Variants in TTC19 observed in about 807,000 individuals in gnomAD.
TTC19 encodes tetratricopeptide repeat domain 19.
A neutral mutation model predicts 49.5 loss-of-function variants in TTC19; 38 were observed. The observed-to-expected ratio is 0.77, with a 90% CI of 0.59 to 1.01. The LOEUF (loss-of-function observed/expected upper bound fraction) is 1.01. TTC19 is among the 50% of genes least tolerant of loss of function. The pLI, the probability that TTC19 is intolerant of heterozygous loss-of-function variation, is 0.00. For missense variants in TTC19, 475 were observed against 477.7 expected (o/e 0.99, Z 0.05); for synonymous variants, 204 against 185.2 (o/e 1.10, Z -0.83).
intron 8 of TTC19, 52 bp downstream of exon 8, chr17:16,025,223 G>T (rs1422520631): frequency 6.4e-7 from 1 of 1,573,674 alleles, no homozygotes; most frequent in Non-Finnish European, 8.7e-7. Flanking sequence ...CTTCAAAATT[G>T]AAGGGTGTGA....
At chr17:16,009,511 C>A (rs983680523) in intron 7 of TTC19, among the ~76,000 whole-genome samples, 1 of 151,382 alleles carries the variant, frequency 6.6e-6, no homozygotes, top group Non-Finnish European at 1.5e-5. Flanking sequence ...TTTTTTTTTC[C>A]AGGCAAAGGA....
intron 7 of TTC19, chr17:16,024,582 G>A (rs2151681371): frequency 4.2e-6 from 1 of 235,636 alleles, no homozygotes; most frequent in East Asian, 1.2e-4. Context: ...TGTGATTACA[G>A]GTGTGAGCCA....
rs188915420 is a variant in TTC19, at chr17:16,028,100, C to T, written c.*578C>T. 1.0e-3 allele frequency: 459 copies of T among 454,002 alleles called. 6 individuals are homozygous for T. The highest frequency in any genetic ancestry group is 8.2e-3 in the African/African-American group (409 of 50,084). The allele number at this position is 454,002 out of a possible 1,614,324, so 28.1% of individuals were successfully genotyped here. On this transcript the variant is annotated 3_prime_UTR_variant, in exon 10 of 10. Transcript: ENST00000261647. ...GAAGTTGTAAAGTGGGGATTAGGCA[C>T]GTGACAGTATAGCACCCATTTGAAT...
In TTC19 at chr17:16,028,818, C is replaced by CAAA. The variant is rs59177775; in HGVS notation, c.*1322_*1324dup. 0.032 allele frequency: 3,184 copies of CAAA among 98,366 alleles called. 89 individuals are homozygous for CAAA. Among genetic ancestry groups the CAAA allele is most frequent in the East Asian group, 0.049 (164 of 3,340 alleles). The allele number at this position is 98,366 out of a possible 1,614,324, so 6.1% of individuals were successfully genotyped here. ...GTATCCCAGTAATCTTTGCATTTCTCAAAAAAAAAAAAAAAAAAAAAAAAA... is the reference window on the plus strand; with the variant it reads ...GTATCCCAGTAATCTTTGCATTTCTCAAAAAAAAAAAAAAAAAAAAAAAAAAAA... On this transcript the variant is annotated 3_prime_UTR_variant, in exon 10 of 10. Transcript: ENST00000261647.
intron 2 of TTC19, among the ~76,000 whole-genome samples, chr17:16,001,649 A>C (rs2151644412): frequency 6.6e-6 from 1 of 152,340 alleles, no homozygotes; most frequent in Non-Finnish European, 1.5e-5. Context: ...CAGCTTCCTT[A>C]TAAAATATGT....
rs1409962147 is a variant in TTC19, at chr17:16,027,974, T to G, written c.*452T>G. 2.2e-6 allele frequency: 1 copy of G among 454,384 alleles called. No individual in the cohort carries two copies. The highest frequency in any genetic ancestry group is 6.9e-5 in the East Asian group (1 of 14,412). The allele number at this position is 454,384 out of a possible 1,614,324, so 28.1% of individuals were successfully genotyped here. On this transcript the variant is annotated 3_prime_UTR_variant, in exon 10 of 10. Transcript: ENST00000261647. ...TTACCTTCCTCATGGCAAAGGGGGA[T>G]TATGGTGAATTGTTGTTCTTATAGT... is the stretch of plus-strand genomic sequence containing the variant.
intron 5 of TTC19, 119 bp from the exon 6 acceptor site, chr17:16,004,082 T>C: frequency 8.5e-7 from 1 of 1,172,732 alleles, no homozygotes; most frequent in Non-Finnish European, 1.3e-6. Context: ...AGTTGGCTCA[T>C]CACTCTAAAA....
rs75675001 is a variant in TTC19, at chr17:16,039,706, A to G, written c.248-4797A>G. The G allele has an allele frequency of 4.9e-3, 7,410 of 1,502,452 alleles. 321 individuals carry two copies. The African/African-American group carries it at 0.088, about 18-fold the overall frequency. 93.1% of individuals were successfully genotyped at this position (1,502,452 alleles called of 1,614,324 possible). On this transcript the variant is annotated intron_variant, in intron 2 of 2. Coordinates refer to the TTC19 transcript ENST00000470649. ...CTTATTTCTGAAAGGCCAATCAGGA[A>G]ACAAACATGCATTGCCCCATCAGCC...
At chr17:16,004,060 C>G (rs907677654) in intron 5 of TTC19, 141 bp from the exon 6 acceptor site, 5 of 1,114,986 alleles carry the variant, frequency 4.5e-6, no homozygotes, top group Non-Finnish European at 6.9e-6. Context: ...GCATGCTTGC[C>G]AAGGAATTCA....
chr17:16,038,377 T>C (rs993894434), intron 2 of TTC19, among the ~76,000 whole-genome samples: 2 of 152,190 alleles, frequency 1.3e-5, no homozygotes, highest in South Asian at 2.1e-4. Flanking sequence ...ATACAAGCAT[T>C]AGCATTCCGG....
chr17:16,009,487 T>A (rs1467388460), intron 7 of TTC19, among the ~76,000 whole-genome samples: 1 of 148,658 alleles, frequency 6.7e-6, no homozygotes, highest in Non-Finnish European at 1.5e-5. Context: ...TTTAGTAACA[T>A]ATTATGAAAA....
intron 6 of TTC19, among the ~76,000 whole-genome samples, chr17:16,004,913 C>T (rs1307088136): frequency 1.3e-5 from 2 of 152,204 alleles, no homozygotes; most frequent in African/African-American, 2.4e-5. Flanking sequence ...TTTGATTGGA[C>T]ACTAGATAGG....
At chr17:16,009,348 A>C (rs893439447) in intron 7 of TTC19, among the ~76,000 whole-genome samples, 13 of 152,244 alleles carry the variant, frequency 8.5e-5, no homozygotes, top group African/African-American at 3.1e-4. Context: ...CTAAGTAAAA[A>C]TCATCTGTAA....
At position 16,013,367 on chromosome 17, in the gene TTC19, C is replaced by T. The variant is rs2151662310; in HGVS notation, c.676+6799C>T. ...GAGTAGCTGTTCTGTGCCAGGTATT[C>T]TAGGATTTGAATAGCAGCAAGTAAG... On this transcript the variant is annotated intron_variant, in intron 7 of 9. Coordinates refer to ENST00000261647, the MANE Select transcript of TTC19 (RefSeq NM_017775.4). Among the ~76,000 whole-genome samples, 3 of 152,156 alleles carry T rather than the reference C, an allele frequency of 2.0e-5. 1 individual carries two copies. The South Asian group carries it at 6.2e-4, about 32-fold the overall frequency.
intron 7 of TTC19, 39 bp downstream of exon 7, chr17:16,006,607 A>G: frequency 7.6e-7 from 1 of 1,312,868 alleles, no homozygotes; most frequent in East Asian, 2.3e-5. Context: ...TTTTCTCCAC[A>G]AAAGGCTTTA....
intron 2 of TTC19, chr17:16,040,911 C>A (rs2057441071): frequency 5.6e-6 from 1 of 178,452 alleles, no homozygotes; most frequent in South Asian, 1.2e-4. Context: ...GCAGTGTAAC[C>A]CAGAAAAGGG....
Position 16,006,467 on chromosome 17 carries a change from TTTACAGACAGGAA to T in TTC19, c.582-4_590del. On this transcript the variant is annotated splice_acceptor_variant and splice_polypyrimidine_tract_variant and coding_sequence_variant and intron_variant, in exon 7 of 10. Transcript: ENST00000261647. LOFTEE classifies it high-confidence loss of function. The stretch of plus-strand genomic sequence containing the variant: ...GTAAATGGCTGATTATTGATTTTGC[TTTACAGACAGGAA>T]TTTGCTGTTGCTGGCTATGAATTCT... The T allele has an allele frequency of 6.3e-7, 1 of 1,595,074 alleles. No homozygotes were observed. The highest frequency in any genetic ancestry group is 8.6e-7 in the Non-Finnish European group (1 of 1,163,188).
chr17:16,039,429 G>A (rs373403855), intron 2 of TTC19: 17 of 1,612,554 alleles, frequency 1.1e-5, no homozygotes, highest in Non-Finnish European at 1.4e-5. Flanking sequence ...AATGAAAGCT[G>A]TACCTGAATG....
At chr17:16,007,877 C>T (rs1435539630) in intron 7 of TTC19, among the ~76,000 whole-genome samples, 1 of 152,186 alleles carries the variant, frequency 6.6e-6, no homozygotes, top group Non-Finnish European at 1.5e-5. Flanking sequence ...TAGGAGGGAT[C>T]ACTGTACACC....
Sources: gnomAD v4.1 joint callset for allele counts (sites outside exome capture counted in the v4.1 genomes callset) on GRCh38, gnomAD v4.1.1 for gene constraint, MANE v1.5 for transcripts, NCBI Gene and HGNC (gene_info 2026-07-23, HGNC 2026-07-21) for gene names.